The following MED25 variants were observed in gnomAD, a reference collection of about 807,000 sequenced individuals.
MED25 encodes mediator complex subunit 25.
In MED25, 62 loss-of-function variants were observed where a neutral mutation model predicts 89.4. That is an observed-to-expected ratio of 0.69 (90% CI 0.57 to 0.86). MED25 has a LOEUF of 0.86. MED25 is among the 40% of genes least tolerant of loss of function. The pLI, the probability that MED25 is intolerant of heterozygous loss-of-function variation, is 0.00. For missense variants in MED25, 905 were observed against 1,005.2 expected, an observed-to-expected ratio of 0.90 and a Z score of 1.35; for synonymous variants, 449 against 427.9, an observed-to-expected ratio of 1.05 and a Z score of -0.61.
At chr19:49,819,089 G>A in intron 2 of MED25, 83 bp from the exon 3 acceptor site, 1 of 1,546,404 alleles carries the variant, frequency 6.5e-7, no homozygotes, top group Non-Finnish European at 8.9e-7. Context: ...TGGAGGAACG[G>A]GAAGCTGGGA....
chr19:49,826,204 G>T (rs1438784664), intron 3 of MED25, among the ~76,000 whole-genome samples: 1 of 152,202 alleles, frequency 6.6e-6, no homozygotes, highest in Non-Finnish European at 1.5e-5. Context: ...AGCCGGGCGT[G>T]GTGGCGGGCA....
In MED25 at chr19:49,830,619, G is replaced by A; in HGVS notation, c.907+21G>A. The A allele has an allele frequency of 6.2e-7, 1 of 1,613,924 alleles. No homozygotes were observed. Among genetic ancestry groups the A allele is most frequent in the Non-Finnish European group, 8.5e-7 (1 of 1,179,794 alleles). On this transcript the variant is annotated intron_variant, in intron 8 of 17. Coordinates refer to ENST00000312865, the MANE Select transcript of MED25 (RefSeq NM_030973.4). The surrounding 1 kb of genome is among the most constrained non-coding windows in gnomAD (Gnocchi z 4.6). ...TCGCTGTGAGTCCTGGAGTGAGGAT[G>A]AAGGGCGGGCAGGGGCCAGGCAGGC... is the stretch of plus-strand genomic sequence containing the variant.
chr19:49,832,131 A>G lies in MED25; in HGVS notation c.1348A>G (p.Met450Val). The change falls in exon 12 of 18, where the codon ATG becomes GTG. Residue 450 changes from methionine to valine, a missense_variant. Met to Val is a conservative substitution (Grantham distance 21, BLOSUM62 1). This residue lies in a region of MED25 where 133 missense variants were observed against 220.2 expected (regional missense o/e 0.60). Transcript: ENST00000312865. ...GGAGCAGTGGCCCCAGAAGCTGATC[A>G]TGCAGCTCATCCCCCAGCAGCTGCT... ...KTEQWPQKLI[M>V]QLIPQQLLTT... 2 of 1,612,948 alleles carry G rather than the reference A, an allele frequency of 1.2e-6. No individual in the cohort carries two copies. The highest frequency in any genetic ancestry group is 1.7e-6 in the Non-Finnish European group (2 of 1,180,008).
rs576176681 is a variant in MED25 at position 49,834,367 on chromosome 19, C to T, written c.1483-619C>T. ...CAATTCACTTGGCCAAGGTCAGCCT[C>T]GCCTCCCTCAGGAGCCCCTGCCCTG... On this transcript the variant is annotated intron_variant, in intron 13 of 17. Transcript: ENST00000312865. The surrounding 1 kb of genome is among the most constrained non-coding windows in gnomAD (Gnocchi z 4.1). 221 of 159,492 alleles carry T rather than the reference C, an allele frequency of 1.4e-3. 3 individuals carry two copies. Among genetic ancestry groups the T allele is most frequent in the African/African-American group, 5.1e-3 (212 of 41,630 alleles). 9.9% of individuals were successfully genotyped at this position (159,492 alleles called of 1,614,324 possible).
rs752353417 is a variant in MED25, at chr19:49,836,919, A to G, written c.2219A>G (p.Asp740Gly). The G allele has an allele frequency of 6.2e-7, 1 of 1,612,972 alleles. No homozygotes were observed. ...GGCCTGCAGCCCAGCGTCATGGAGG[A>G]CGACATCCTCATGGATCTCATCTGA... ...QPGLQPSVME[D>G]DILMDLI Residue 740 changes from aspartate (D) to glycine (G), a missense_variant, in exon 18 of 18, where the codon GAC (aspartate) becomes GGC (glycine). Around this residue, in one of 3 missense-constraint regions of MED25, gnomAD observed 271 missense variants for 258.1 expected, o/e 1.05. Coordinates refer to ENST00000312865, the MANE Select transcript of MED25 (RefSeq NM_030973.4). The surrounding 1 kb of genome is among the most constrained non-coding windows in gnomAD (Gnocchi z 5.1).
Position 49,836,189 on chromosome 19 carries a change from A to T in MED25, c.1966-37A>T, listed in dbSNP as rs762654696. The T allele has an allele frequency of 6.2e-7, 1 of 1,605,354 alleles. No homozygotes were observed. Among genetic ancestry groups the T allele is most frequent in the East Asian group, 2.2e-5 (1 of 44,790 alleles). On this transcript the variant is annotated intron_variant, in intron 16 of 17. Transcript: ENST00000312865. The surrounding 1 kb of genome is among the most constrained non-coding windows in gnomAD (Gnocchi z 5.1). Reference sequence around the variant, plus strand: ...CTGTGTTGAGAGGTGGGGAGTCTCTACCAGGAGCCTCTGAGCCACTCTCTG... The same window carrying T: ...CTGTGTTGAGAGGTGGGGAGTCTCTTCCAGGAGCCTCTGAGCCACTCTCTG...
Position 49,830,341 on chromosome 19 carries a change from G to A in MED25, c.819+123G>A. The A allele has an allele frequency of 8.3e-7, 1 of 1,203,242 alleles. No homozygotes were observed. 74.5% of individuals were successfully genotyped at this position (1,203,242 alleles called of 1,614,324 possible). On this transcript the variant is annotated intron_variant, in intron 7 of 17. Coordinates refer to ENST00000312865, the MANE Select transcript of MED25 (RefSeq NM_030973.4). This position sits in a 1 kb window ranked among gnomAD's most constrained non-coding sequence, Gnocchi z 4.6. Reference sequence around the variant, plus strand: ...TGGGAGTCCCATGGGACATTGGGAAGGTGGGACTCTTGGGGCCATGGAAGC... The same window carrying A: ...TGGGAGTCCCATGGGACATTGGGAAAGTGGGACTCTTGGGGCCATGGAAGC...
Position 49,829,173 on chromosome 19 carries a change from T to C in MED25, c.525+83T>C. 7.7e-7 allele frequency: 1 copy of C among 1,302,890 alleles called. No homozygotes were observed. The highest frequency in any genetic ancestry group is 1.1e-6 in the Non-Finnish European group (1 of 921,686). The allele number at this position is 1,302,890 out of a possible 1,614,324, so 80.7% of individuals were successfully genotyped here. A position where few individuals can be genotyped will look rare whatever the true frequency, so the allele number is the denominator to read the frequency against. ...GGCAGGAGGCACTGAGGGCCTGGAC[T>C]CCTGGGTCTGAGGGAGGAGGCACTG... On this transcript the variant is annotated intron_variant, in intron 5 of 17. Transcript: ENST00000312865. The surrounding 1 kb of genome is among the most constrained non-coding windows in gnomAD (Gnocchi z 4.6).
intron 3 of MED25, among the ~76,000 whole-genome samples, chr19:49,827,250 C>T (rs2074021755): frequency 6.6e-6 from 1 of 152,198 alleles, no homozygotes; most frequent in South Asian, 2.1e-4. Flanking sequence ...ATCCCCGGGC[C>T]ACAACCCATG....
In MED25 at chr19:49,822,746, C is replaced by A. The variant is rs961083185; in HGVS notation, c.305+3450C>A. Among the ~76,000 whole-genome samples, 8 of 143,696 alleles carry A rather than the reference C, an allele frequency of 5.6e-5. No homozygotes were observed. In the Admixed American group the frequency reaches 5.9e-4, roughly 11 times the overall value. The allele number at this position is 143,696 out of a possible 152,430, so 94.3% of individuals were successfully genotyped here. On this transcript the variant is annotated intron_variant, in intron 3 of 17. Coordinates refer to ENST00000312865, the MANE Select transcript of MED25 (RefSeq NM_030973.4). ...CACTGCAAGCTCCGCCTCCCGAGTT[C>A]ACGCCATTCTCCTGCCTCAGCCTCC...
intron 11 of MED25, 25 bp downstream of exon 11, chr19:49,832,046 G>T (rs768470202): frequency 6.2e-7 from 1 of 1,613,348 alleles, no homozygotes; most frequent in South Asian, 1.1e-5. Flanking sequence ...GGGGCGGGGT[G>T]TGGTGGGGCT....
In MED25 at chr19:49,835,659, GC is replaced by G; in HGVS notation, c.1746+55del. On this transcript the variant is annotated intron_variant, in intron 15 of 17. Transcript: ENST00000312865. The surrounding 1 kb of genome is among the most constrained non-coding windows in gnomAD (Gnocchi z 6.2). ...TGGGTTGGGGAGGCCCCAAGGCTGC[GC>G]TCTGTGCCTGCAGAAGGGGCGTGAG... 2.5e-6 allele frequency: 4 copies of G among 1,569,036 alleles called. No homozygotes were observed.
intron 3 of MED25, among the ~76,000 whole-genome samples, chr19:49,825,329 A>C (rs1007269044): frequency 6.6e-6 from 1 of 151,320 alleles, no homozygotes; most frequent in African/African-American, 2.4e-5. Context: ...GCTCACTACA[A>C]CCTCTGCCCC....
At position 49,835,102 on chromosome 19, in the gene MED25, C is replaced by T. The variant is rs760050487; in HGVS notation, c.1599C>T (p.Phe533=). The T allele has an allele frequency of 7.4e-6, 12 of 1,614,078 alleles. No homozygotes were observed. Among genetic ancestry groups the T allele is most frequent in the East Asian group, 2.2e-5 (1 of 44,874 alleles). Residue 533 remains phenylalanine (F), a synonymous_variant, in exon 14 of 18, where the codon TTC becomes TTT. Coordinates refer to ENST00000312865, the MANE Select transcript of MED25 (RefSeq NM_030973.4). The surrounding 1 kb of genome is among the most constrained non-coding windows in gnomAD (Gnocchi z 6.2). ...MGLIPYDQSG[F]VNGIRQVITN... ...TCATCCCCTACGACCAGAGCGGCTT[C>T]GTCAACGGCATCCGGCAGGTCATCA...
rs774862259 is a variant in MED25, at chr19:49,836,751, G to A, written c.2147-96G>A. The A allele has an allele frequency of 1.1e-6, 1 of 911,728 alleles. No individual in the cohort carries two copies. The highest frequency in any genetic ancestry group is 1.4e-5 in the South Asian group (1 of 71,632). The allele number at this position is 911,728 out of a possible 1,614,324, so 56.5% of individuals were successfully genotyped here. A position where few individuals can be genotyped will look rare whatever the true frequency, so the allele number is the denominator to read the frequency against. On this transcript the variant is annotated intron_variant, in intron 17 of 17. Transcript: ENST00000312865. This position sits in a 1 kb window ranked among gnomAD's most constrained non-coding sequence, Gnocchi z 5.1. ...TGGGGCCAGAAGGTGCTTCTGTTGGGTCCCCCAAGGGCTGCCTAGAAAACT... is the reference window on the plus strand; with the variant it reads ...TGGGGCCAGAAGGTGCTTCTGTTGGATCCCCCAAGGGCTGCCTAGAAAACT...
chr19:49,821,028 A>G (rs1315559886), intron 3 of MED25, among the ~76,000 whole-genome samples: 1 of 152,216 alleles, frequency 6.6e-6, no homozygotes, highest in Non-Finnish European at 1.5e-5. Flanking sequence ...TATCTAACGC[A>G]GTTTCTGTGA....
Sources: gnomAD v4.1 joint callset for allele counts (sites outside exome capture counted in the v4.1 genomes callset) on GRCh38, gnomAD v4.1.1 for gene constraint, gnomAD v4.1.1 regional missense constraint, Gnocchi (gnomAD v3.1) non-coding constraint, MANE v1.5 for transcripts, NCBI Gene and HGNC (gene_info 2026-07-23, HGNC 2026-07-21) for gene names.